Variants in PRIMPOL observed in about 807,000 individuals in gnomAD.
The protein encoded by PRIMPOL is primase and DNA directed polymerase, also known as DNA-directed primase/polymerase protein.
Under a neutral mutation model 63.6 loss-of-function variants are expected in PRIMPOL, and 54 were observed. The observed-to-expected ratio is 0.85, with a 90% CI of 0.68 to 1.07. The LOEUF (loss-of-function observed/expected upper bound fraction) is 1.07. Ranked by LOEUF, PRIMPOL falls within the 50% of genes least tolerant of loss-of-function variation. PRIMPOL has a pLI of 0.00. For missense variants in PRIMPOL, 610 were observed against 648.3 expected (o/e 0.94, Z 0.64); for synonymous variants, 197 against 220.2 (o/e 0.89, Z 0.93).
intron 13 of PRIMPOL, 80 bp from the exon 14 acceptor site, chr4:184,694,442 A>ATAGAG (rs1760014088): frequency 1.3e-6 from 2 of 1,506,278 alleles, no homozygotes; most frequent in Non-Finnish European, 1.8e-6. Flanking sequence ...TTACTTCAAC[A>ATAGAG]TAGAGTATAA....
rs555951257 is a variant in PRIMPOL at position 184,657,200 on chromosome 4, G to C, written c.60G>C (p.Glu20Asp). The C allele has an allele frequency of 2.5e-6, 4 of 1,613,104 alleles. No homozygotes were observed. Among genetic ancestry groups the C allele is most frequent in the Middle Eastern group, 1.7e-4 (1 of 6,058 alleles). ...TTGAAGAACGAGCATCTCATTATGA[G>C]AGGAAACCGTTGTCCTCAGTGTATA... ...KQIEERASHYERKPLSSVYRP... is the reference protein window; with the variant it reads ...KQIEERASHYDRKPLSSVYRP... Residue 20 changes from glutamate (E) to aspartate (D), a missense_variant, in exon 3 of 14, where the codon GAG (glutamate) becomes GAC (aspartate). Physicochemically the swap from Glu to Asp is conservative, Grantham distance 45. This residue lies in a region of PRIMPOL where 159 missense variants were observed against 168.9 expected (regional missense o/e 0.94). Coordinates refer to ENST00000314970, the MANE Select transcript of PRIMPOL (RefSeq NM_152683.4).
Position 184,649,742 on chromosome 4 carries a change from T to G in PRIMPOL, c.-304T>G, listed in dbSNP as rs1310967274. The G allele has an allele frequency of 6.6e-6, 1 of 152,328 alleles. No homozygotes were observed. Among genetic ancestry groups the G allele is most frequent in the African/African-American group, 2.4e-5 (1 of 41,418 alleles). The allele number at this position is 152,328 out of a possible 1,614,324, so 9.4% of individuals were successfully genotyped here. On this transcript the variant is annotated 5_prime_UTR_variant, in exon 1 of 14. Coordinates refer to ENST00000314970, the MANE Select transcript of PRIMPOL (RefSeq NM_152683.4). ...CGCCCCGGATTTGAAATCTAGGTCT[T>G]CCTGAGAGTCCGCGGGCTTCCGCTC... is the stretch of plus-strand genomic sequence containing the variant.
intron 7 of PRIMPOL, among the ~76,000 whole-genome samples, chr4:184,673,043 AC>A (rs935806476): frequency 2.4e-4 from 37 of 152,286 alleles, no homozygotes; most frequent in Middle Eastern, 3.4e-3. Flanking sequence ...CCCTAACACA[AC>A]AGCTCCCATT....
intron 3 of PRIMPOL, among the ~76,000 whole-genome samples, chr4:184,658,072 CTT>C (rs33982215): frequency 3.9e-4 from 54 of 137,970 alleles, no homozygotes; most frequent in African/African-American, 1.2e-3. Context: ...ATTGCACATT[CTT>C]TTTTTTTTTT....
chr4:184,671,375 G>A (rs956567392), intron 6 of PRIMPOL, among the ~76,000 whole-genome samples: 2 of 152,082 alleles, frequency 1.3e-5, no homozygotes, highest in Non-Finnish European at 2.9e-5. Context: ...CTAACTCCCC[G>A]AGATTTCCTC....
intron 2 of PRIMPOL, among the ~76,000 whole-genome samples, chr4:184,654,546 G>A (rs977516744): frequency 1.3e-5 from 2 of 149,422 alleles, no homozygotes; most frequent in Admixed American, 6.8e-5. Flanking sequence ...TGCCTCCCGG[G>A]TTCACGCCAT....
At chr4:184,663,961 A>G (rs1350891928) in intron 5 of PRIMPOL, among the ~76,000 whole-genome samples, 1 of 152,190 alleles carries the variant, frequency 6.6e-6, no homozygotes, top group African/African-American at 2.4e-5. Flanking sequence ...GATAATGTAA[A>G]ATACCCTGTG....
chr4:184,679,092 C>A (rs535770223), intron 8 of PRIMPOL, among the ~76,000 whole-genome samples: 3 of 152,084 alleles, frequency 2.0e-5, no homozygotes, highest in African/African-American at 7.2e-5. Context: ...CTCCTTTAAT[C>A]AAAAAATATT....
chr4:184,669,211 C>T (rs1750890849), intron 6 of PRIMPOL, among the ~76,000 whole-genome samples: 1 of 152,210 alleles, frequency 6.6e-6, no homozygotes, highest in Admixed American at 6.5e-5. Flanking sequence ...CTTGTTTACT[C>T]CTTACAGCAA....
intron 6 of PRIMPOL, among the ~76,000 whole-genome samples, chr4:184,670,293 T>C (rs1751220767): frequency 6.6e-6 from 1 of 152,206 alleles, no homozygotes; most frequent in Admixed American, 6.5e-5. Context: ...TCTCTTCCCT[T>C]ATTGTCTGGG....
intron 6 of PRIMPOL, among the ~76,000 whole-genome samples, chr4:184,671,962 G>C (rs111237777): frequency 0.032 from 4,882 of 151,842 alleles, 186 homozygotes; most frequent in African/African-American, 0.087. Context: ...GGATGGTCTC[G>C]ATCTCCCGAC....
At chr4:184,669,756 T>C (rs1024402203) in intron 6 of PRIMPOL, among the ~76,000 whole-genome samples, 18 of 152,136 alleles carry the variant, frequency 1.2e-4, no homozygotes, top group Non-Finnish European at 2.2e-4. Context: ...TTGGGGACAG[T>C]GAATGGTCTA....
intron 7 of PRIMPOL, among the ~76,000 whole-genome samples, chr4:184,676,384 CT>C (rs1561024199): frequency 2.9e-5 from 1 of 34,836 alleles, no homozygotes; most frequent in Non-Finnish European, 6.5e-5. Context: ...CCTTCCCTTC[CT>C]TTCCCTTCCC....
intron 3 of PRIMPOL, among the ~76,000 whole-genome samples, chr4:184,659,096 T>C (rs1468438199): frequency 6.6e-6 from 1 of 152,200 alleles, no homozygotes; most frequent in Non-Finnish European, 1.5e-5. Context: ...CTCTCCTTTT[T>C]TCTCTTTGGT....
intron 11 of PRIMPOL, among the ~76,000 whole-genome samples, chr4:184,690,168 T>G (rs956434294): frequency 6.6e-6 from 1 of 152,190 alleles, no homozygotes; most frequent in East Asian, 1.9e-4. Context: ...AATCAAATCT[T>G]TAAGAATTTT....
At chr4:184,657,942 G>A (rs1427305758) in intron 3 of PRIMPOL, among the ~76,000 whole-genome samples, 1 of 151,912 alleles carries the variant, frequency 6.6e-6, no homozygotes, top group African/African-American at 2.4e-5. Flanking sequence ...GCTGTGAGCC[G>A]AGATCGCGCC....
At chr4:184,667,585 C>A (rs989741726) in intron 6 of PRIMPOL, among the ~76,000 whole-genome samples, 2 of 152,204 alleles carry the variant, frequency 1.3e-5, no homozygotes, top group Non-Finnish European at 2.9e-5. Context: ...GCTGGGATTA[C>A]AGGCGTGAGC....
At chr4:184,667,038 G>T (rs1159747522) in intron 6 of PRIMPOL, among the ~76,000 whole-genome samples, 1 of 152,232 alleles carries the variant, frequency 6.6e-6, no homozygotes, top group Non-Finnish European at 1.5e-5. Context: ...TCAGTTCAGA[G>T]CTGCTAGCGT....
rs1239795435 is a variant in PRIMPOL at position 184,672,352 on chromosome 4, A to T, written c.736A>T (p.Asn246Tyr). The change falls in exon 7 of 14, where the codon AAT (asparagine) becomes TAT (tyrosine). Residue 246 changes from asparagine to tyrosine, a missense_variant. Coordinates refer to ENST00000314970, the MANE Select transcript of PRIMPOL (RefSeq NM_152683.4). ...GGCTACAGAGGAAAGCTGGACATCG[A>T]ATTCAAAGAAACTGGAGAGGCTGGG... ...EKATEESWTSNSKKLERLGSA... is the reference protein window; with the variant it reads ...EKATEESWTSYSKKLERLGSA... The T allele has an allele frequency of 1.9e-6, 3 of 1,614,174 alleles. No homozygotes were observed. Among genetic ancestry groups the T allele is most frequent in the Non-Finnish European group, 2.5e-6 (3 of 1,180,026 alleles).
Sources: gnomAD v4.1 joint callset for allele counts (sites outside exome capture counted in the v4.1 genomes callset) on GRCh38, gnomAD v4.1.1 for gene constraint, gnomAD v4.1.1 regional missense constraint, MANE v1.5 for transcripts, NCBI Gene and HGNC (gene_info 2026-07-23, HGNC 2026-07-21) for gene names.